Variants in SLC35F3 observed in about 807,000 individuals in gnomAD.
SLC35F3 encodes putative thiamine transporter SLC35F3.
In SLC35F3, 25 loss-of-function variants were observed where a neutral mutation model predicts 49.9. The ratio of observed to expected loss-of-function variants is 0.50; its 90% CI spans 0.37 to 0.70. SLC35F3 has a LOEUF of 0.70. Ranked by LOEUF, SLC35F3 falls within the 30% of genes least tolerant of loss-of-function variation. SLC35F3 has a pLI of 0.00. For synonymous variants in SLC35F3, 275 were observed against 265.4 expected, an observed-to-expected ratio of 1.04 and a Z score of -0.35; for missense variants, 525 against 639.8, an observed-to-expected ratio of 0.82 and a Z score of 1.94.
intron 2 of SLC35F3, among the ~76,000 whole-genome samples, chr1:233,915,645 C>G (rs1396449622): frequency 6.6e-6 from 1 of 152,088 alleles, no homozygotes; most frequent in Non-Finnish European, 1.5e-5. Context: ...AAAGACATAT[C>G]TGAGATTGGG....
At chr1:234,209,543 A>G (rs529472393) in intron 2 of SLC35F3, among the ~76,000 whole-genome samples, 1 of 152,298 alleles carries the variant, frequency 6.6e-6, no homozygotes, top group East Asian at 1.9e-4. Context: ...ATCCATATTC[A>G]TATGGTCAAT....
At chr1:234,008,787 C>G (rs1323334982) in intron 2 of SLC35F3, among the ~76,000 whole-genome samples, 1 of 152,200 alleles carries the variant, frequency 6.6e-6, no homozygotes, top group African/African-American at 2.4e-5. Flanking sequence ...CACCCAGCCC[C>G]TCAGGACCCC....
At chr1:234,001,523 T>G (rs780144777) in intron 2 of SLC35F3, among the ~76,000 whole-genome samples, 4 of 152,222 alleles carry the variant, frequency 2.6e-5, no homozygotes, top group Non-Finnish European at 5.9e-5. Context: ...TGTTTTTGCC[T>G]AAGTATTCCC....
At chr1:233,999,173 T>C (rs1242488206) in intron 2 of SLC35F3, among the ~76,000 whole-genome samples, 3 of 152,156 alleles carry the variant, frequency 2.0e-5, no homozygotes, top group East Asian at 1.9e-4. Flanking sequence ...GTCTAAGCTG[T>C]GTTCCTGAGA....
chr1:234,108,733 ATATCT>A (rs1665346347), intron 2 of SLC35F3, among the ~76,000 whole-genome samples: 1 of 81,672 alleles, frequency 1.2e-5, no homozygotes, highest in Admixed American at 1.8e-4. Context: ...ATAAATATAT[ATATCT>A]TTTATATATA....
intron 2 of SLC35F3, among the ~76,000 whole-genome samples, chr1:234,141,362 A>G (rs1665911434): frequency 6.6e-6 from 1 of 152,152 alleles, no homozygotes. Flanking sequence ...TGCATGGTGA[A>G]CAACTCCCCT....
chr1:234,008,043 C>A (rs1260902887), intron 2 of SLC35F3, among the ~76,000 whole-genome samples: 3 of 152,228 alleles, frequency 2.0e-5, no homozygotes, highest in Non-Finnish European at 2.9e-5. Context: ...ATTCCACATT[C>A]TAGAGTCCTA....
chr1:234,033,519 A>T (rs1175297109), intron 2 of SLC35F3, among the ~76,000 whole-genome samples: 1 of 152,160 alleles, frequency 6.6e-6, no homozygotes, highest in Non-Finnish European at 1.5e-5. Flanking sequence ...ATCCATCTCG[A>T]GTTGGCTTTT....
At chr1:234,167,548 T>C (rs1223363422) in intron 2 of SLC35F3, among the ~76,000 whole-genome samples, 3 of 152,178 alleles carry the variant, frequency 2.0e-5, no homozygotes, top group African/African-American at 7.2e-5. Flanking sequence ...AGATTTCTCA[T>C]CTCAAGAATA....
At chr1:234,000,407 A>G (rs1158240951) in intron 2 of SLC35F3, among the ~76,000 whole-genome samples, 2 of 152,228 alleles carry the variant, frequency 1.3e-5, no homozygotes, top group East Asian at 1.9e-4. Flanking sequence ...GGCAGGGGAC[A>G]CATTGCTGAC....
At chr1:234,018,229 A>G (rs1009592828) in intron 2 of SLC35F3, among the ~76,000 whole-genome samples, 1 of 152,222 alleles carries the variant, frequency 6.6e-6, no homozygotes, top group Non-Finnish European at 1.5e-5. Context: ...GAATCCGTGA[A>G]TAATGAGGAT....
chr1:233,991,593 T>C (rs559918808), intron 2 of SLC35F3, among the ~76,000 whole-genome samples: 1 of 152,274 alleles, frequency 6.6e-6, no homozygotes, highest in East Asian at 1.9e-4. Context: ...TGCCAGCTCA[T>C]TGGGCCCCTT....
chr1:234,302,486 G>C (rs1668708150), intron 3 of SLC35F3, among the ~76,000 whole-genome samples: 1 of 152,158 alleles, frequency 6.6e-6, no homozygotes, highest in Non-Finnish European at 1.5e-5. Context: ...CTTGAGCGTA[G>C]ATGGCTATTC....
chr1:234,323,292 C>T lies in SLC35F3; in HGVS notation c.*49C>T. The T allele has an allele frequency of 6.6e-7, 1 of 1,523,592 alleles. No individual in the cohort carries two copies. Among genetic ancestry groups the T allele is most frequent in the Admixed American group, 1.9e-5 (1 of 53,048 alleles). The allele number at this position is 1,523,592 out of a possible 1,614,324, so 94.4% of individuals were successfully genotyped here. Reference sequence around the variant, plus strand: ...GTAATGACTGGGAGGTCTATTCCTGCCGGGAGGAACCTCAGTTGGGTAAGG... The same window carrying T: ...GTAATGACTGGGAGGTCTATTCCTGTCGGGAGGAACCTCAGTTGGGTAAGG... On this transcript the variant is annotated 3_prime_UTR_variant, in exon 8 of 8. Transcript: ENST00000366618. This position sits in a 1 kb window ranked among gnomAD's most constrained non-coding sequence, Gnocchi z 4.5.
chr1:234,005,303 T>TAG (rs1424455287), intron 2 of SLC35F3, among the ~76,000 whole-genome samples: 2 of 152,180 alleles, frequency 1.3e-5, no homozygotes, highest in African/African-American at 4.8e-5. Context: ...ATCTAAATCT[T>TAG]ACGGTGAAAC....
intron 3 of SLC35F3, among the ~76,000 whole-genome samples, chr1:234,238,289 G>A (rs1476795947): frequency 6.6e-6 from 1 of 152,184 alleles, no homozygotes; most frequent in African/African-American, 2.4e-5. Context: ...CAGCTGAATA[G>A]CAGATGTCTG....
chr1:234,057,252 G>C (rs1255146772), intron 2 of SLC35F3, among the ~76,000 whole-genome samples: 1 of 152,108 alleles, frequency 6.6e-6, no homozygotes, highest in African/African-American at 2.4e-5. Flanking sequence ...ATTTGGGGAA[G>C]TATTGCCATT....
chr1:234,267,711 C>T lies in SLC35F3; in HGVS notation c.608+35970C>T, dbSNP rs376032238. Among the ~76,000 whole-genome samples the T allele has an allele frequency of 9.3e-5, 14 of 150,152 alleles. No individual in the cohort carries two copies. The East Asian group carries it at 1.8e-3, about 19-fold the overall frequency. ...CTCACTTCCCAGACGGGGTGGCTGC[C>T]GGACGGAGGGGCTCCTCACTTCTCA... On this transcript the variant is annotated intron_variant, in intron 3 of 7. Coordinates refer to ENST00000366618, the MANE Select transcript of SLC35F3 (RefSeq NM_173508.4).
chr1:234,310,049 A>T (rs1202302955), intron 4 of SLC35F3, among the ~76,000 whole-genome samples: 3 of 152,212 alleles, frequency 2.0e-5, no homozygotes, highest in African/African-American at 7.2e-5. Context: ...TGAAATACAG[A>T]GAGATTCCCC....
Sources: allele counts gnomAD v4.1 joint callset (sites outside exome capture counted in the v4.1 genomes callset), GRCh38; gene constraint gnomAD v4.1.1; non-coding constraint Gnocchi (gnomAD v3.1); transcripts MANE v1.5; gene names NCBI Gene and HGNC (gene_info 2026-07-23, HGNC 2026-07-21).